Variants in NCOA2 observed in about 807,000 individuals in gnomAD.
NCOA2 encodes the protein class E basic helix-loop-helix protein 75.
Under a neutral mutation model 145.1 loss-of-function variants are expected in NCOA2, and 21 were observed. That is an observed-to-expected ratio of 0.14 (90% CI 0.10 to 0.21). The LOEUF (loss-of-function observed/expected upper bound fraction) is 0.21. NCOA2 is among the 10% of genes least tolerant of loss of function. The pLI, the probability that NCOA2 is intolerant of heterozygous loss-of-function variation, is 1.00. For synonymous variants in NCOA2, 619 were observed against 637.5 expected (o/e 0.97, Z 0.44); for missense variants, 1,472 against 1,837.6 (o/e 0.80, Z 3.64).
chr8:70,160,682 G>GAGGGA (rs371258460), intron 9 of NCOA2, among the ~76,000 whole-genome samples: 8 of 58,302 alleles, frequency 1.4e-4, no homozygotes, highest in African/African-American at 2.9e-4. Flanking sequence ...AGAGAGAGAG[G>GAGGGA]GAGAGAGAGA....
At chr8:70,242,460 C>G (rs1396602116) in intron 2 of NCOA2, among the ~76,000 whole-genome samples, 9 of 152,130 alleles carry the variant, frequency 5.9e-5, no homozygotes. Context: ...GCCATCACTA[C>G]TAAAACGCAT....
At chr8:70,116,541 C>T (rs895075758) in intron 22 of NCOA2, among the ~76,000 whole-genome samples, 7 of 150,734 alleles carry the variant, frequency 4.6e-5, no homozygotes, top group Non-Finnish European at 7.4e-5. Context: ...ACACAGAGTC[C>T]GTCTCAAAAA....
At chr8:70,359,246 T>A (rs1243437545) in intron 1 of NCOA2, among the ~76,000 whole-genome samples, 1 of 152,158 alleles carries the variant, frequency 6.6e-6, no homozygotes, top group Non-Finnish European at 1.5e-5. Flanking sequence ...CCTGAAAGTG[T>A]AGACAGATAG....
chr8:70,129,127 C>A, intron 16 of NCOA2, 147 bp from the exon 17 acceptor site: 2 of 783,794 alleles, frequency 2.6e-6, no homozygotes. Context: ...ACCTTTAGAG[C>A]TTGACTCCAC....
chr8:70,423,609 G>C, the NCOA2 span, among the ~76,000 whole-genome samples: 1 of 152,080 alleles, frequency 6.6e-6, no homozygotes, highest in Non-Finnish European at 1.5e-5. Context: ...TGGAGGTCTC[G>C]CCCTAATGAG....
intron 2 of NCOA2, among the ~76,000 whole-genome samples, chr8:70,293,531 G>T (rs934710019): frequency 7.2e-5 from 11 of 152,150 alleles, no homozygotes; most frequent in Admixed American, 3.3e-4. Flanking sequence ...CCCCATGTTG[G>T]TATTTAAGAG....
chr8:70,159,747 G>T, intron 9 of NCOA2, 95 bp from the exon 10 acceptor site: 1 of 1,106,212 alleles, frequency 9.0e-7, no homozygotes, highest in Non-Finnish European at 1.3e-6. Flanking sequence ...ACTTCATTAA[G>T]TTTCATAATA....
chr8:70,124,356 TTCTG>T (rs1419312597), intron 20 of NCOA2, among the ~76,000 whole-genome samples: 1 of 151,690 alleles, frequency 6.6e-6, no homozygotes, highest in Non-Finnish European at 1.5e-5. Context: ...CTTTCTTTCT[TTCTG>T]TTTTTTTTTT....
intron 6 of NCOA2, among the ~76,000 whole-genome samples, chr8:70,168,983 A>G (rs1813934603): frequency 6.6e-6 from 1 of 152,236 alleles, no homozygotes; most frequent in Non-Finnish European, 1.5e-5. Context: ...AGGAAAAGCT[A>G]GCCCGAATGA....
chr8:70,118,638 T>C lies in NCOA2; in HGVS notation c.4383+2664A>G, dbSNP rs1807415914. On this transcript the variant is annotated intron_variant, in intron 22 of 22. Transcript: ENST00000452400. Reference sequence around the variant, plus strand: ...ACCAAATCATCAAATACCCACTTTTTTTTGGGAGGAAACTGAACAACAACC... The same window carrying C: ...ACCAAATCATCAAATACCCACTTTTCTTTGGGAGGAAACTGAACAACAACC... 2.0e-5 allele frequency among the ~76,000 whole-genome samples: 3 copies of C among 152,150 alleles called. No individual in the cohort carries two copies. The South Asian group carries it at 6.2e-4, about 32-fold the overall frequency.
chr8:70,347,409 C>G (rs996876835), intron 1 of NCOA2, among the ~76,000 whole-genome samples: 2 of 151,830 alleles, frequency 1.3e-5, no homozygotes, highest in South Asian at 4.2e-4. Context: ...CACTTGAACC[C>G]AGGGGGCGGA....
the NCOA2 span, among the ~76,000 whole-genome samples, chr8:70,449,808 C>A: frequency 6.6e-6 from 1 of 152,194 alleles, no homozygotes; most frequent in African/African-American, 2.4e-5. Flanking sequence ...AGCACCTGTC[C>A]TCACAAAGTT....
intron 1 of NCOA2, among the ~76,000 whole-genome samples, chr8:70,364,469 A>C (rs1810496340): frequency 6.6e-6 from 1 of 152,232 alleles, no homozygotes; most frequent in Admixed American, 6.5e-5. Context: ...GGCAAACTGA[A>C]AACAGCAAGA....
chr8:70,288,313 T>C (rs1826392942), intron 2 of NCOA2, among the ~76,000 whole-genome samples: 1 of 152,180 alleles, frequency 6.6e-6, no homozygotes, highest in African/African-American at 2.4e-5. Flanking sequence ...GGTGTGTGGC[T>C]CATGCCTGTA....
In NCOA2 at chr8:70,272,629, G is replaced by C. The variant is rs554229561; in HGVS notation, c.-20+24115C>G. ...AAGTCAACCCAAAGGGGAGCAAGGG[G>C]TGTGCACGTAAGAGGGAACACCAGA... On this transcript the variant is annotated intron_variant, in intron 2 of 22. Coordinates refer to ENST00000452400, the MANE Select transcript of NCOA2 (RefSeq NM_006540.4). Among the ~76,000 whole-genome samples, 11 of 152,288 alleles carry C rather than the reference G, an allele frequency of 7.2e-5. No individual in the cohort carries two copies. The South Asian group carries it at 2.3e-3, about 32-fold the overall frequency.
At chr8:70,382,513 T>A (rs1812294751) in intron 1 of NCOA2, among the ~76,000 whole-genome samples, 1 of 152,190 alleles carries the variant, frequency 6.6e-6, no homozygotes, top group Non-Finnish European at 1.5e-5. Context: ...TGAATATCTG[T>A]TGCACCAGGT....
intron 19 of NCOA2, among the ~76,000 whole-genome samples, chr8:70,126,450 CAG>C (rs1808419888): frequency 6.6e-6 from 1 of 152,208 alleles, no homozygotes; most frequent in South Asian, 2.1e-4. Flanking sequence ...GAGTCAGACT[CAG>C]AGGCTTTCAA....
At chr8:70,220,437 T>C (rs1269089151) in intron 2 of NCOA2, among the ~76,000 whole-genome samples, 1 of 152,226 alleles carries the variant, frequency 6.6e-6, no homozygotes, top group East Asian at 1.9e-4. Context: ...AATCATCCAT[T>C]CTTGTTATCT....
chr8:70,290,004 C>T (rs1826537783), intron 2 of NCOA2, among the ~76,000 whole-genome samples: 1 of 151,904 alleles, frequency 6.6e-6, no homozygotes, highest in South Asian at 2.1e-4. Flanking sequence ...CAGCTAAATG[C>T]TACCCCTACG....
Sources: gnomAD v4.1 joint callset for allele counts (sites outside exome capture counted in the v4.1 genomes callset) on GRCh38, gnomAD v4.1.1 for gene constraint, MANE v1.5 for transcripts, NCBI Gene and HGNC (gene_info 2026-07-23, HGNC 2026-07-21) for gene names.